The following GRID2 variants were observed in gnomAD, a reference collection of about 807,000 sequenced individuals.
The protein encoded by GRID2 is glutamate ionotropic receptor delta type subunit 2, also known as glutamate receptor ionotropic, delta-2.
A neutral mutation model predicts 114.8 loss-of-function variants in GRID2; 33 were observed. The observed-to-expected ratio is 0.29, with a 90% CI of 0.22 to 0.38. The LOEUF (loss-of-function observed/expected upper bound fraction) is 0.38. Among genes scored for constraint, GRID2 ranks in the 10% least tolerant of loss-of-function variants. GRID2 has a pLI of 1.00. For missense variants in GRID2, 1,184 were observed against 1,257.7 expected, an observed-to-expected ratio of 0.94 and a Z score of 0.89; for synonymous variants, 505 against 449.9, an observed-to-expected ratio of 1.12 and a Z score of -1.55.
rs149136952 is a variant in GRID2 at position 93,019,326 on chromosome 4, G to A, written c.245-65669G>A. On this transcript the variant is annotated intron_variant, in intron 2 of 15. Transcript: ENST00000282020. ...TGCTTCTATCTTGGAGCCAAATGAA[G>A]AATAAATGTTTTTGTTTTCTTGTCA... Among the ~76,000 whole-genome samples the A allele has an allele frequency of 5.4e-4, 82 of 152,140 alleles. 1 individual carries two copies. In the East Asian group the frequency reaches 0.015, roughly 28 times the overall value.
chr4:92,444,817 C>T (rs889549354), intron 1 of GRID2, among the ~76,000 whole-genome samples: 2 of 152,060 alleles, frequency 1.3e-5, no homozygotes, highest in African/African-American at 4.8e-5. Context: ...TATTTTTGCC[C>T]TTACATATTT....
intron 4 of GRID2, among the ~76,000 whole-genome samples, chr4:93,182,309 G>T (rs1579217008): frequency 6.6e-6 from 1 of 151,796 alleles, no homozygotes; most frequent in East Asian, 1.9e-4. Context: ...ATCTAATGAT[G>T]TTATACCTCT....
chr4:92,439,131 G>C (rs145609593), intron 1 of GRID2, among the ~76,000 whole-genome samples: 5 of 151,884 alleles, frequency 3.3e-5, no homozygotes, highest in African/African-American at 1.2e-4. Flanking sequence ...AAGGGGGCTT[G>C]TTCTCTGGCG....
At chr4:92,387,702 G>C (rs1168976588) in intron 1 of GRID2, among the ~76,000 whole-genome samples, 2 of 151,942 alleles carry the variant, frequency 1.3e-5, no homozygotes, top group African/African-American at 2.4e-5. Flanking sequence ...TAATTCAGAA[G>C]CCATTACTAG....
intron 11 of GRID2, among the ~76,000 whole-genome samples, chr4:93,461,105 G>A (rs557882449): frequency 2.6e-5 from 4 of 152,284 alleles, no homozygotes; most frequent in Non-Finnish European, 4.4e-5. Flanking sequence ...TTATAAATAT[G>A]TTAAATACCT....
intron 1 of GRID2, among the ~76,000 whole-genome samples, chr4:92,565,429 A>G (rs1214659310): frequency 6.6e-6 from 1 of 152,046 alleles, no homozygotes; most frequent in African/African-American, 2.4e-5. Context: ...ATATGACAGT[A>G]TAAGAAGATC....
At chr4:92,821,196 A>T (rs1224804619) in intron 2 of GRID2, among the ~76,000 whole-genome samples, 3 of 152,168 alleles carry the variant, frequency 2.0e-5, no homozygotes, top group Non-Finnish European at 4.4e-5. Flanking sequence ...AATTGTGTTT[A>T]TTTCTAAAGT....
At chr4:93,196,796 C>G (rs1209072055) in intron 4 of GRID2, among the ~76,000 whole-genome samples, 1 of 152,080 alleles carries the variant, frequency 6.6e-6, no homozygotes, top group Non-Finnish European at 1.5e-5. Context: ...TTTTCCTCCT[C>G]TGGTGGCAAT....
At chr4:93,159,250 G>T (rs921052793) in intron 4 of GRID2, among the ~76,000 whole-genome samples, 2 of 151,710 alleles carry the variant, frequency 1.3e-5, no homozygotes, top group African/African-American at 2.4e-5. Flanking sequence ...ACTCTGTAAG[G>T]TTATTGACTG....
At chr4:93,184,524 A>AC (rs1317324422) in intron 4 of GRID2, among the ~76,000 whole-genome samples, 2 of 151,966 alleles carry the variant, frequency 1.3e-5, no homozygotes, top group East Asian at 3.9e-4. Flanking sequence ...AAAAAAAAAA[A>AC]AAAAAACTCA....
chr4:92,541,329 G>T (rs950435877), intron 1 of GRID2, among the ~76,000 whole-genome samples: 2 of 150,830 alleles, frequency 1.3e-5, no homozygotes, highest in Non-Finnish European at 3.0e-5. Flanking sequence ...AAAAAAAAAA[G>T]AAATCAAAAT....
At chr4:92,518,950 A>G (rs1321216743) in intron 1 of GRID2, among the ~76,000 whole-genome samples, 1 of 151,840 alleles carries the variant, frequency 6.6e-6, no homozygotes, top group Non-Finnish European at 1.5e-5. Flanking sequence ...ATTTACTTTA[A>G]TCCATATGAA....
chr4:93,596,301 T>C (rs1258047913), intron 13 of GRID2, among the ~76,000 whole-genome samples: 1 of 152,162 alleles, frequency 6.6e-6, no homozygotes, highest in Admixed American at 6.5e-5. Flanking sequence ...ACTTGAGGGC[T>C]GGGTGCGGTG....
chr4:93,523,039 C>T (rs1730490409), intron 13 of GRID2, among the ~76,000 whole-genome samples: 1 of 151,986 alleles, frequency 6.6e-6, no homozygotes, highest in Non-Finnish European at 1.5e-5. Context: ...CTCAGTAACA[C>T]TGAGTGGCAG....
intron 8 of GRID2, among the ~76,000 whole-genome samples, chr4:93,383,883 A>G (rs1345583525): frequency 2.6e-5 from 4 of 152,138 alleles, no homozygotes. Context: ...ATATGTCATC[A>G]CTTCTGCCAC....
intron 6 of GRID2, among the ~76,000 whole-genome samples, chr4:93,220,752 T>G (rs576530511): frequency 1.3e-5 from 2 of 152,286 alleles, no homozygotes; most frequent in East Asian, 3.9e-4. Flanking sequence ...CAAACTGCAG[T>G]GATAAACATT....
intron 8 of GRID2, among the ~76,000 whole-genome samples, chr4:93,303,583 G>A (rs17020365): frequency 0.055 from 8,316 of 152,218 alleles, 767 homozygotes; most frequent in African/African-American, 0.19. Context: ...TGATCAGGGC[G>A]CAGGAGCCAA....
chr4:93,343,581 A>G (rs1287065758), intron 8 of GRID2, among the ~76,000 whole-genome samples: 1 of 152,152 alleles, frequency 6.6e-6, no homozygotes, highest in Non-Finnish European at 1.5e-5. Flanking sequence ...TAAATTAGTG[A>G]TAACATAAAA....
intron 2 of GRID2, among the ~76,000 whole-genome samples, chr4:92,944,196 C>T (rs1407706249): frequency 2.0e-5 from 3 of 152,218 alleles, no homozygotes; most frequent in Non-Finnish European, 4.4e-5. Flanking sequence ...TCTACAGAGG[C>T]AGGCAGGCCT....
Sources: allele counts gnomAD v4.1 joint callset (sites outside exome capture counted in the v4.1 genomes callset), GRCh38; gene constraint gnomAD v4.1.1; transcripts MANE v1.5; gene names NCBI Gene and HGNC (gene_info 2026-07-23, HGNC 2026-07-21).